Variants in ADGRA3 observed in about 807,000 individuals in gnomAD.
The protein encoded by ADGRA3 is G-protein coupled receptor 125.
A neutral mutation model predicts 119.8 loss-of-function variants in ADGRA3; 56 were observed. The observed-to-expected ratio is 0.47, with a 90% CI of 0.38 to 0.58. The LOEUF is 0.58. ADGRA3 is among the 20% of genes least tolerant of loss of function. The pLI is 0.00. For missense variants in ADGRA3, 1,516 were observed against 1,649.0 expected (o/e 0.92, Z 1.40); for synonymous variants, 607 against 623.8 (o/e 0.97, Z 0.40).
intron 5 of ADGRA3, among the ~76,000 whole-genome samples, chr4:22,445,359 T>C (rs1200243491): frequency 6.6e-6 from 1 of 152,144 alleles, no homozygotes; most frequent in Non-Finnish European, 1.5e-5. Flanking sequence ...TTGGATGAAA[T>C]TTTGTAGGCA....
chr4:22,453,834 C>T (rs1428668425), intron 4 of ADGRA3, among the ~76,000 whole-genome samples: 2 of 152,038 alleles, frequency 1.3e-5, no homozygotes, highest in Non-Finnish European at 2.9e-5. Flanking sequence ...TACTCCCAAA[C>T]AAAACTTCTT....
intron 1 of ADGRA3, among the ~76,000 whole-genome samples, chr4:22,495,759 A>G (rs1718798298): frequency 1.3e-5 from 2 of 152,136 alleles, no homozygotes; most frequent in South Asian, 4.1e-4. Flanking sequence ...ATACAAAAAA[A>G]TTAGCCGGGC....
rs202009640 is a variant in ADGRA3, at chr4:22,402,720, A to G, written c.2312T>C (p.Leu771Pro). The G allele has an allele frequency of 6.8e-6, 11 of 1,613,744 alleles. No homozygotes were observed. Among genetic ancestry groups the G allele is most frequent in the African/African-American group, 1.3e-5 (1 of 74,912 alleles). ...PVVYTTAIIL[L>P]LCLLAVIVSY... is the part of the protein sequence containing the mutation. Reference sequence around the variant, plus strand: ...GACAATGACGGCTAAGAGACATAAGAGGAGAATGATAGCGGTAGTATAAAC... The same window carrying G: ...GACAATGACGGCTAAGAGACATAAGGGGAGAATGATAGCGGTAGTATAAAC... Residue 771 changes from leucine (L) to proline (P), a missense_variant, in exon 15 of 19, where the codon CTC (leucine) becomes CCC (proline). By Grantham distance (98) the Leu-to-Pro change is moderately conservative. This residue lies in a region of ADGRA3 where 1,088 missense variants were observed against 1,107.1 expected (regional missense o/e 0.98). Coordinates refer to ENST00000334304, the MANE Select transcript of ADGRA3 (RefSeq NM_145290.4).
In ADGRA3 at chr4:22,450,951, A is replaced by AATATAT. The variant is rs1310599032; in HGVS notation, c.474-3446_474-3441dup. Among the ~76,000 whole-genome samples, 319 of 122,702 alleles carry AATATAT rather than the reference A, an allele frequency of 2.6e-3. 2 individuals carry two copies. Among genetic ancestry groups the AATATAT allele is most frequent in the African/African-American group, 9.6e-3 (292 of 30,454 alleles). 80.5% of individuals were successfully genotyped at this position (122,702 alleles called of 152,430 possible). On this transcript the variant is annotated intron_variant, in intron 4 of 18. Transcript: ENST00000334304. Reference sequence around the variant, plus strand: ...GGATATAACAGAAAAAAAAAAAAAAAATATATATATATATATATATACACC... The same window carrying AATATAT: ...GGATATAACAGAAAAAAAAAAAAAAAATATATATATATATATATATATATATACACC...
chr4:22,401,397 A>AT (rs774602425), intron 16 of ADGRA3, 34 bp downstream of exon 16: 13 of 1,559,354 alleles, frequency 8.3e-6, no homozygotes, highest in African/African-American at 2.7e-5. Context: ...AATACCAGTA[A>AT]TTTTTTCCAT....
At chr4:22,497,218 G>T (rs751181948) in intron 1 of ADGRA3, among the ~76,000 whole-genome samples, 2 of 152,082 alleles carry the variant, frequency 1.3e-5, no homozygotes, top group African/African-American at 2.4e-5. Context: ...AAGGTGGGGG[G>T]AAATGCAGGC....
At chr4:22,432,430 A>G (rs1716221549) in intron 10 of ADGRA3, among the ~76,000 whole-genome samples, 1 of 151,906 alleles carries the variant, frequency 6.6e-6, no homozygotes, top group African/African-American at 2.4e-5. Flanking sequence ...AAGATCAAGA[A>G]AAAAAAGAAT....
intron 1 of ADGRA3, among the ~76,000 whole-genome samples, chr4:22,483,309 T>C (rs895033914): frequency 6.6e-6 from 1 of 152,166 alleles, no homozygotes; most frequent in African/African-American, 2.4e-5. Flanking sequence ...ACAACATCTG[T>C]GCAATGAATT....
chr4:22,515,420 G>A, intron 1 of ADGRA3, 108 bp downstream of exon 1: 1 of 1,356,634 alleles, frequency 7.4e-7, no homozygotes. Flanking sequence ...CCTGCCTACA[G>A]CTCCACACAA....
At chr4:22,449,578 T>C (rs968494300) in intron 4 of ADGRA3, among the ~76,000 whole-genome samples, 1 of 152,164 alleles carries the variant, frequency 6.6e-6, no homozygotes, top group African/African-American at 2.4e-5. Flanking sequence ...CCAGGTGCAG[T>C]GGCCCACACT....
chr4:22,501,304 C>T (rs930510237), intron 1 of ADGRA3, among the ~76,000 whole-genome samples: 3 of 151,096 alleles, frequency 2.0e-5, no homozygotes, highest in East Asian at 3.9e-4. Context: ...AGGCTAAAGA[C>T]AAGTGTTTTC....
At chr4:22,458,891 T>G (rs992425044) in intron 3 of ADGRA3, among the ~76,000 whole-genome samples, 3 of 152,184 alleles carry the variant, frequency 2.0e-5, no homozygotes, top group Admixed American at 6.5e-5. Flanking sequence ...CTCCTCCAGA[T>G]GGCCCTGAGT....
chr4:22,389,221 C>A, intron 17 of ADGRA3, 38 bp from the exon 18 acceptor site: 1 of 1,338,708 alleles, frequency 7.5e-7, no homozygotes, highest in Non-Finnish European at 1.1e-6. Context: ...ACTCATCATT[C>A]CATTTCTTAA....
At chr4:22,433,897 G>C (rs1340996142) in intron 10 of ADGRA3, among the ~76,000 whole-genome samples, 2 of 152,116 alleles carry the variant, frequency 1.3e-5, no homozygotes, top group Non-Finnish European at 2.9e-5. Context: ...ACACAATCAA[G>C]TATCAGGAGC....
chr4:22,446,629 C>T (rs79529605), intron 5 of ADGRA3, among the ~76,000 whole-genome samples: 53 of 151,940 alleles, frequency 3.5e-4, no homozygotes, highest in African/African-American at 1.2e-3. Context: ...AAGGAAGACT[C>T]CTAAATGAGA....
chr4:22,417,998 G>T (rs1282485129), intron 12 of ADGRA3, among the ~76,000 whole-genome samples: 1 of 151,974 alleles, frequency 6.6e-6, no homozygotes, highest in East Asian at 1.9e-4. Context: ...CTCCTTTTTG[G>T]CTACATTACA....
rs1391459795 is a variant in ADGRA3 at position 22,470,633 on chromosome 4, G to A, written c.329+3139C>T. ...ATCTGCTGTATTTTCAAGTCGTCCG[G>A]TTATTCTGTTCTCATCTTCAGGACT... is the stretch of plus-strand genomic sequence containing the variant. On this transcript the variant is annotated intron_variant, in intron 2 of 18. Coordinates refer to ENST00000334304, the MANE Select transcript of ADGRA3 (RefSeq NM_145290.4). Among the ~76,000 whole-genome samples, 5 of 152,146 alleles carry A rather than the reference G, an allele frequency of 3.3e-5. No individual in the cohort carries two copies. In the East Asian group the frequency reaches 9.6e-4, roughly 29 times the overall value.
At chr4:22,486,378 T>C (rs905759563) in intron 1 of ADGRA3, among the ~76,000 whole-genome samples, 1 of 152,200 alleles carries the variant, frequency 6.6e-6, no homozygotes, top group African/African-American at 2.4e-5. Flanking sequence ...GCTTGGTTTC[T>C]AGCCCATCTT....
chr4:22,392,425 G>C (rs1208539178), intron 17 of ADGRA3, 120 bp downstream of exon 17: 1 of 1,165,228 alleles, frequency 8.6e-7, no homozygotes, highest in African/African-American at 1.5e-5. Context: ...AAACCAGGCA[G>C]TCCTGCATAC....
Sources: gnomAD v4.1 joint callset for allele counts (sites outside exome capture counted in the v4.1 genomes callset) on GRCh38, gnomAD v4.1.1 for gene constraint, gnomAD v4.1.1 regional missense constraint, MANE v1.5 for transcripts, NCBI Gene and HGNC (gene_info 2026-07-23, HGNC 2026-07-21) for gene names.